The following MAPRE2 variants were observed in gnomAD, a reference collection of about 807,000 sequenced individuals.
MAPRE2 encodes microtubule-associated protein RP/EB family member 2.
MAPRE2 carries 13 observed loss-of-function variants against 43.2 expected under a neutral mutation model. That is an observed-to-expected ratio of 0.30 (90% CI 0.20 to 0.48). The LOEUF is 0.48. Ranked by LOEUF, MAPRE2 falls within the 20% of genes least tolerant of loss-of-function variation. The pLI is 0.99. For missense variants in MAPRE2, 161 were observed against 400.2 expected, an observed-to-expected ratio of 0.40 and a Z score of 5.10; for synonymous variants, 135 against 148.8, an observed-to-expected ratio of 0.91 and a Z score of 0.68.
At chr18:35,084,911 G>A (rs1218144925) in intron 2 of MAPRE2, among the ~76,000 whole-genome samples, 3 of 152,202 alleles carry the variant, frequency 2.0e-5, no homozygotes, top group African/African-American at 7.2e-5. Flanking sequence ...CTCGGGGCAG[G>A]TAAGGTAAAC....
At chr18:34,985,290 T>TATATTATATAATATAA (rs2097019270) in intron 1 of MAPRE2, among the ~76,000 whole-genome samples, 1 of 28,876 alleles carries the variant, frequency 3.5e-5, no homozygotes, top group Non-Finnish European at 5.3e-5. Context: ...ATATTATATA[T>TATATTATATAATATAA]TATATTATAT....
chr18:35,079,733 T>G (rs1045789251), intron 2 of MAPRE2, among the ~76,000 whole-genome samples: 1 of 152,236 alleles, frequency 6.6e-6, no homozygotes, highest in Admixed American at 6.5e-5. Flanking sequence ...CCCTGTTAGA[T>G]TTCTGTATCC....
At chr18:35,129,820 T>C (rs1339550708) in intron 5 of MAPRE2, among the ~76,000 whole-genome samples, 1 of 152,206 alleles carries the variant, frequency 6.6e-6, no homozygotes, top group African/African-American at 2.4e-5. Context: ...TCTAAGATCA[T>C]CTACAGCATC....
chr18:35,108,280 A>C (rs930150861), intron 4 of MAPRE2, among the ~76,000 whole-genome samples: 2 of 152,100 alleles, frequency 1.3e-5, no homozygotes, highest in Non-Finnish European at 2.9e-5. Context: ...CTTTATCCAC[A>C]TCCCTGCAAA....
At chr18:35,040,061 G>A (rs1046389952), upstream of MAPRE2, among the ~76,000 whole-genome samples, 2 of 152,312 alleles carry the variant, frequency 1.3e-5, no homozygotes, top group East Asian at 3.9e-4. Flanking sequence ...AAATTAGCTG[G>A]GTGTGGCGGC....
intron 3 of MAPRE2, among the ~76,000 whole-genome samples, chr18:35,098,735 G>T (rs1414493371): frequency 6.6e-6 from 1 of 152,088 alleles, no homozygotes; most frequent in East Asian, 1.9e-4. Context: ...CATGCTTCTA[G>T]ATTAGAAAGA....
rs560369933 is a variant in MAPRE2, at chr18:35,116,793, T to A, written c.611-10155T>A. On this transcript the variant is annotated intron_variant, in intron 4 of 6. Transcript: ENST00000300249. ...CATTACCTTTGCCATGTTCTGTGGG[T>A]TAGAGTCAGGTCACGGGTCTTACAT... Among the ~76,000 whole-genome samples the A allele has an allele frequency of 7.9e-5, 12 of 152,268 alleles. 1 individual carries two copies. The South Asian group carries it at 2.5e-3, about 32-fold the overall frequency.
intron 1 of MAPRE2, chr18:34,978,615 A>G: frequency 7.7e-7 from 1 of 1,303,398 alleles, no homozygotes; most frequent in Non-Finnish European, 1.1e-6. Flanking sequence ...ATCAAGCAAA[A>G]AGGGGTATGG....
chr18:35,076,903 A>C (rs1481740030), intron 2 of MAPRE2, among the ~76,000 whole-genome samples: 1 of 152,168 alleles, frequency 6.6e-6, no homozygotes, highest in Non-Finnish European at 1.5e-5. Context: ...ATGTGACTGC[A>C]TTAGTATTTA....
rs183957494 is a variant in MAPRE2 at position 35,130,403 on chromosome 18, A to C, written c.751-1629A>C. Among the ~76,000 whole-genome samples the C allele has an allele frequency of 4.9e-4, 75 of 152,336 alleles. No individual in the cohort carries two copies. The East Asian group carries it at 0.011, about 23-fold the overall frequency. ...GCAAACTGGTTCTCCACTGCTTTGC[A>C]AGCAGCCACATGGGGGTGTCAGTGA... is the stretch of plus-strand genomic sequence containing the variant. On this transcript the variant is annotated intron_variant, in intron 5 of 6. Transcript: ENST00000300249.
chr18:35,104,490 T>A (rs549476347), intron 4 of MAPRE2, among the ~76,000 whole-genome samples: 10 of 152,104 alleles, frequency 6.6e-5, no homozygotes, highest in Non-Finnish European at 1.0e-4. Flanking sequence ...AGCAGGTTTG[T>A]AAGATGGGAG....
At chr18:35,046,242 G>C (rs569837387) in intron 1 of MAPRE2, among the ~76,000 whole-genome samples, 1 of 152,356 alleles carries the variant, frequency 6.6e-6, no homozygotes, top group East Asian at 1.9e-4. Flanking sequence ...GTCTGTGCTA[G>C]ATGCCCCTTG....
At chr18:35,028,466 T>C (rs1332967691) in intron 2 of MAPRE2, among the ~76,000 whole-genome samples, 2 of 152,174 alleles carry the variant, frequency 1.3e-5, no homozygotes, top group East Asian at 1.9e-4. Flanking sequence ...GTATACTATA[T>C]TTTCTTAATT....
chr18:35,106,993 C>A (rs1230026145), intron 4 of MAPRE2, among the ~76,000 whole-genome samples: 2 of 152,090 alleles, frequency 1.3e-5, no homozygotes, highest in Admixed American at 1.3e-4. Flanking sequence ...TGAACACTTA[C>A]TAAACATAAA....
At chr18:35,023,755 G>T (rs531047465) in intron 2 of MAPRE2, among the ~76,000 whole-genome samples, 1 of 151,914 alleles carries the variant, frequency 6.6e-6, no homozygotes, top group South Asian at 2.1e-4. Context: ...AAGCAAAGAT[G>T]AATAATATTT....
intron 1 of MAPRE2, among the ~76,000 whole-genome samples, chr18:35,043,112 C>T (rs1459626362): frequency 6.6e-6 from 1 of 152,120 alleles, no homozygotes; most frequent in East Asian, 1.9e-4. Flanking sequence ...AATCAAAATT[C>T]CTCCACAACT....
At chr18:35,085,772 A>T (rs1347371829) in intron 2 of MAPRE2, among the ~76,000 whole-genome samples, 8 of 152,216 alleles carry the variant, frequency 5.3e-5, no homozygotes, top group Admixed American at 3.9e-4. Context: ...GAGACCAGAG[A>T]TCAGTCCAAC....
intron 1 of MAPRE2, among the ~76,000 whole-genome samples, chr18:34,987,247 T>C (rs1425294170): frequency 6.6e-6 from 1 of 152,248 alleles, no homozygotes; most frequent in Non-Finnish European, 1.5e-5. Context: ...CCATCAACGA[T>C]GTCAACAGTA....
chr18:35,006,209 C>T (rs1424376540), intron 2 of MAPRE2, among the ~76,000 whole-genome samples: 3 of 152,148 alleles, frequency 2.0e-5, no homozygotes, highest in African/African-American at 7.2e-5. Context: ...AGAGAGGTCC[C>T]AAGCTACAAG....
Sources: allele counts gnomAD v4.1 joint callset (sites outside exome capture counted in the v4.1 genomes callset), GRCh38; gene constraint gnomAD v4.1.1; transcripts MANE v1.5; gene names NCBI Gene and HGNC (gene_info 2026-07-23, HGNC 2026-07-21).